DBH: variants seen among roughly 807,000 people sequenced by gnomAD.
DBH encodes the protein dopamine beta-hydroxylase.
DBH carries 49 observed loss-of-function variants against 64.0 expected under a neutral mutation model. The ratio of observed to expected loss-of-function variants is 0.77; its 90% CI spans 0.61 to 0.97. DBH has a LOEUF of 0.97. Among genes scored for constraint, DBH ranks in the 50% least tolerant of loss-of-function variants. The pLI, the probability that DBH is intolerant of heterozygous loss-of-function variation, is 0.00. For missense variants in DBH, 828 were observed against 826.6 expected (o/e 1.00, Z -0.02); for synonymous variants, 343 against 347.1 (o/e 0.99, Z 0.13).
intron 1 of DBH, 144 bp from the exon 2 acceptor site, chr9:133,639,702 C>G (rs1049259093): frequency 1.2e-6 from 1 of 863,234 alleles, no homozygotes; most frequent in Non-Finnish European, 1.8e-6. Flanking sequence ...CCAGGCAGAA[C>G]CCTCAGATCC....
intron 6 of DBH, 49 bp from the exon 7 acceptor site, chr9:133,651,585 G>C (rs1832248514): frequency 1.9e-6 from 3 of 1,610,598 alleles, no homozygotes; most frequent in Middle Eastern, 4.0e-4. Flanking sequence ...TGGACGGGAG[G>C]GTCCCCTCGG....
chr9:133,639,508 T>C (rs1256279651), intron 1 of DBH, among the ~76,000 whole-genome samples: 1 of 152,176 alleles, frequency 6.6e-6, no homozygotes, highest in Non-Finnish European at 1.5e-5. Flanking sequence ...AGGCATCTTC[T>C]TAAGAAGCTC....
chr9:133,656,950 G>A (rs1237048651), intron 10 of DBH, 120 bp from the exon 11 acceptor site: 42 of 1,187,716 alleles, frequency 3.5e-5, no homozygotes, highest in Non-Finnish European at 3.8e-5. Flanking sequence ...GGCTGGGGAG[G>A]AGGTGGCAGG....
chr9:133,639,737 C>A, intron 1 of DBH, 109 bp from the exon 2 acceptor site: 1 of 1,244,954 alleles, frequency 8.0e-7, no homozygotes, highest in Non-Finnish European at 1.1e-6. Flanking sequence ...CCAGCATCCC[C>A]AGATCAGCTG....
In DBH at chr9:133,643,057, G is replaced by A. The variant is rs1332184511; in HGVS notation, c.745-356G>A. On this transcript the variant is annotated intron_variant, in intron 3 of 11. Coordinates refer to ENST00000393056, the MANE Select transcript of DBH (RefSeq NM_000787.4). This position sits in a 1 kb window ranked among gnomAD's most constrained non-coding sequence, Gnocchi z 5.3. ...TGTCCAGAGTCACACAGCAGGAAGAGGCATGGCCTTGAAGGTGCGCTTTGG... is the reference window on the plus strand; with the variant it reads ...TGTCCAGAGTCACACAGCAGGAAGAAGCATGGCCTTGAAGGTGCGCTTTGG... 6.6e-6 allele frequency among the ~76,000 whole-genome samples: 1 copy of A among 152,182 alleles called. No individual in the cohort carries two copies. Among genetic ancestry groups the A allele is most frequent in the Non-Finnish European group, 1.5e-5 (1 of 68,040 alleles).
chr9:133,643,613 T>C lies in DBH; in HGVS notation c.921+24T>C. 1.9e-6 allele frequency: 3 copies of C among 1,612,172 alleles called. No individual in the cohort carries two copies. Among genetic ancestry groups the C allele is most frequent in the Non-Finnish European group, 2.5e-6 (3 of 1,179,496 alleles). On this transcript the variant is annotated intron_variant, in intron 4 of 11. Transcript: ENST00000393056. The surrounding 1 kb of genome is among the most constrained non-coding windows in gnomAD (Gnocchi z 5.3). ...AGGTGCGTGCCCTGCGACCCCAGCA[T>C]GGTGTCTCCTGCCTGGGCCCCTGGC...
chr9:133,656,682 C>A (rs374022694), intron 10 of DBH, 32 bp downstream of exon 10: 63 of 1,608,292 alleles, frequency 3.9e-5, no homozygotes, highest in Non-Finnish European at 4.9e-5. Flanking sequence ...TCCCTGCCCC[C>A]AGGGAACCCC....
chr9:133,636,457 T>C lies in DBH; in HGVS notation c.86T>C (p.Phe29Ser), dbSNP rs1564206873. 1 of 1,612,848 alleles carries C rather than the reference T, an allele frequency of 6.2e-7. No individual in the cohort carries two copies. Among genetic ancestry groups the C allele is most frequent in the South Asian group, 1.1e-5 (1 of 91,070 alleles). Residue 29 changes from phenylalanine (F) to serine (S), a missense_variant, in exon 1 of 12, where the codon TTC (phenylalanine) becomes TCC (serine). Physicochemically the swap from Phe to Ser is radical, Grantham distance 155 (BLOSUM62 -2). Coordinates refer to ENST00000393056, the MANE Select transcript of DBH (RefSeq NM_000787.4). Reference sequence around the variant, plus strand: ...ATGTACAGCACAGCAGTGGCCATCTTCCTGGTCATCCTGGTGGCCGCACTG... The same window carrying C: ...ATGTACAGCACAGCAGTGGCCATCTCCCTGGTCATCCTGGTGGCCGCACTG... The part of the protein sequence containing the change: ...AFMYSTAVAI[F>S]LVILVAALQG...
rs772846040 is a variant in DBH, at chr9:133,647,869, C to A, written c.1048C>A (p.Arg350Ser). The A allele has an allele frequency of 6.2e-7, 1 of 1,614,120 alleles. No homozygotes were observed. Among genetic ancestry groups the A allele is most frequent in the East Asian group, 2.2e-5 (1 of 44,894 alleles). The change falls in exon 6 of 12, where the codon CGC becomes AGC. Residue 350 changes from arginine (R) to serine (S), a missense_variant. Physicochemically the swap from Arg to Ser is moderately radical, Grantham distance 110 (BLOSUM62 -1). Coordinates refer to ENST00000393056, the MANE Select transcript of DBH (RefSeq NM_000787.4). ...AGGACGAAACGACTCCTCAGGCATC[C>A]GCTTGTACTACACAGCCAAGCTGCG... Reference protein sequence around the residue: ...IEGRNDSSGIRLYYTAKLRRF... With the variant: ...IEGRNDSSGISLYYTAKLRRF...
chr9:133,657,247 C>G lies in DBH; in HGVS notation c.1722+18C>G, dbSNP rs550270692. The stretch of plus-strand genomic sequence containing the variant: ...GCTTCCAGGTGCGCTGCCATGGGCC[C>G]GGGTGGGGCATGCAGTCAGGCAGGC... On this transcript the variant is annotated intron_variant, in intron 11 of 11. Coordinates refer to ENST00000393056, the MANE Select transcript of DBH (RefSeq NM_000787.4). The G allele has an allele frequency of 6.2e-7, 1 of 1,613,192 alleles. No individual in the cohort carries two copies. Among genetic ancestry groups the G allele is most frequent in the Non-Finnish European group, 8.5e-7 (1 of 1,180,008 alleles).
chr9:133,641,619 G>C (rs1324264023), intron 2 of DBH, among the ~76,000 whole-genome samples: 1 of 152,228 alleles, frequency 6.6e-6, no homozygotes, highest in Non-Finnish European at 1.5e-5. Context: ...CAGCATGTGA[G>C]GAAGCCAGCC....
rs536989599 is a variant in DBH at position 133,656,531 on chromosome 9, C to T, written c.1443C>T (p.Phe481=). The change falls in exon 10 of 12, where the codon TTC becomes TTT. Residue 481 remains phenylalanine, a synonymous_variant. Coordinates refer to ENST00000393056, the MANE Select transcript of DBH (RefSeq NM_000787.4). The stretch of plus-strand genomic sequence containing the variant: ...TCTCCTCCAACTTGCAGGGGGGCTT[C>T]GGGATCCTGGAGGAGATGTGTGTCA... ...EDRELATVGG[F]GILEEMCVNY... is the part of the protein sequence containing the mutation. 2.5e-5 allele frequency: 41 copies of T among 1,613,884 alleles called. No individual in the cohort carries two copies. In the Admixed American group the frequency reaches 5.5e-4, roughly 22 times the overall value.
At chr9:133,636,783 T>G in intron 1 of DBH, 73 bp downstream of exon 1, 2 of 1,371,532 alleles carry the variant, frequency 1.5e-6, no homozygotes, top group East Asian at 2.4e-5. Flanking sequence ...CTTTCTGCAC[T>G]CACCCTCCTT....
chr9:133,636,765 C>T (rs1832058660), intron 1 of DBH, 55 bp downstream of exon 1: 1 of 1,518,800 alleles, frequency 6.6e-7, no homozygotes, highest in Non-Finnish European at 9.0e-7. Context: ...GGCACCCCAT[C>T]TGGCCGTCTT....
At chr9:133,647,769 A>G (rs1285875475) in intron 5 of DBH, 77 bp from the exon 6 acceptor site, 1 of 1,576,220 alleles carries the variant, frequency 6.3e-7, no homozygotes, top group Non-Finnish European at 8.7e-7. Flanking sequence ...CTGGGGTCAT[A>G]GGGATAATCT....
At chr9:133,657,490 AGAGAGAG>A (rs1564215969) in intron 11 of DBH, among the ~76,000 whole-genome samples, 3 of 145,758 alleles carry the variant, frequency 2.1e-5, no homozygotes, top group East Asian at 4.0e-4. Context: ...GAGAGAGGAG[AGAGAGAG>A]GAGAGAGAGA....
Position 133,658,576 on chromosome 9 carries a change from C to T in DBH, c.*129C>T, listed in dbSNP as rs1178765957. The stretch of plus-strand genomic sequence containing the variant: ...CAGGATGAAGGGGCCAGACCACGCC[C>T]CTGCCTGAGACCACGGTCCAATCCA... On this transcript the variant is annotated 3_prime_UTR_variant, in exon 12 of 12. Coordinates refer to ENST00000393056, the MANE Select transcript of DBH (RefSeq NM_000787.4). The T allele has an allele frequency of 1.8e-6, 2 of 1,109,946 alleles. No individual in the cohort carries two copies. The highest frequency in any genetic ancestry group is 2.5e-6 in the Non-Finnish European group (2 of 808,460). 68.8% of individuals were successfully genotyped at this position (1,109,946 alleles called of 1,614,324 possible).
chr9:133,657,129 C>G lies in DBH; in HGVS notation c.1622C>G (p.Ser541Cys). ...PQASVSQQFT[S>C]VPWNSFNRDV... Reference sequence around the variant, plus strand: ...GCGTCCGTGTCTCAGCAGTTCACCTCTGTTCCCTGGAACTCCTTCAACCGC... The same window carrying G: ...GCGTCCGTGTCTCAGCAGTTCACCTGTGTTCCCTGGAACTCCTTCAACCGC... The change falls in exon 11 of 12, where the codon TCT becomes TGT. Residue 541 changes from serine (S) to cysteine (C), a missense_variant. Physicochemically the swap from Ser to Cys is moderately radical, Grantham distance 112. Coordinates refer to ENST00000393056, the MANE Select transcript of DBH (RefSeq NM_000787.4). 6.2e-7 allele frequency: 1 copy of G among 1,614,122 alleles called. No individual in the cohort carries two copies. The highest frequency in any genetic ancestry group is 8.5e-7 in the Non-Finnish European group (1 of 1,180,020).
chr9:133,650,482 TTTTC>T (rs1164766748), intron 6 of DBH, among the ~76,000 whole-genome samples: 1 of 136,166 alleles, frequency 7.3e-6, no homozygotes, highest in East Asian at 1.9e-4. Context: ...TTCTTTTTCT[TTTTC>T]TTTCTTTTCT....
Sources: gnomAD v4.1 joint callset for allele counts (sites outside exome capture counted in the v4.1 genomes callset) on GRCh38, gnomAD v4.1.1 for gene constraint, Gnocchi (gnomAD v3.1) non-coding constraint, MANE v1.5 for transcripts, NCBI Gene and HGNC (gene_info 2026-07-23, HGNC 2026-07-21) for gene names.